The following KIAA1958 variants were observed in gnomAD, a reference collection of about 807,000 sequenced individuals.
KIAA1958 encodes KIAA1958, also known as uncharacterized protein KIAA1958.
A neutral mutation model predicts 47.2 loss-of-function variants in KIAA1958; 14 were observed. The observed-to-expected ratio is 0.30, with a 90% CI of 0.20 to 0.46. The LOEUF (loss-of-function observed/expected upper bound fraction) is 0.46. Ranked by LOEUF, KIAA1958 falls within the 20% of genes least tolerant of loss-of-function variation. KIAA1958 has a pLI of 1.00. For synonymous variants in KIAA1958, 354 were observed against 353.3 expected (o/e 1.00, Z -0.02); for missense variants, 803 against 909.2 (o/e 0.88, Z 1.50).
At chr9:112,488,604 T>C (rs1833910495) in intron 1 of KIAA1958, among the ~76,000 whole-genome samples, 1 of 152,150 alleles carries the variant, frequency 6.6e-6, no homozygotes, top group Admixed American at 6.5e-5. Context: ...AGAAGCAGTT[T>C]TGGGGGCCAT....
At chr9:112,563,085 C>CTCTCTATATATA (rs10655286) in intron 1 of KIAA1958, among the ~76,000 whole-genome samples, 15 of 131,558 alleles carry the variant, frequency 1.1e-4, no homozygotes, top group East Asian at 1.1e-3. Context: ...CTCTCTCTCT[C>CTCTCTATATATA]TATATATATA....
At position 112,663,620 on chromosome 9, in the gene KIAA1958, A is replaced by T. The variant is rs1837314159; in HGVS notation, c.*3551A>T. Reference sequence around the variant, plus strand: ...AAGCAAAAACAAGTGAAGGAAGAACAGAAAAGCCTTATGGGGCTTTATGAG... The same window carrying T: ...AAGCAAAAACAAGTGAAGGAAGAACTGAAAAGCCTTATGGGGCTTTATGAG... On this transcript the variant is annotated 3_prime_UTR_variant, in exon 4 of 4. Transcript: ENST00000337530. The T allele has an allele frequency of 6.6e-6, 1 of 152,188 alleles. No individual in the cohort carries two copies. The highest frequency in any genetic ancestry group is 2.4e-5 in the African/African-American group (1 of 41,446). 9.4% of individuals were successfully genotyped at this position (152,188 alleles called of 1,614,324 possible). A position where few individuals can be genotyped will look rare whatever the true frequency, so the allele number is the denominator to read the frequency against.
intron 2 of KIAA1958, among the ~76,000 whole-genome samples, chr9:112,610,805 T>C (rs1012641173): frequency 6.6e-6 from 1 of 152,138 alleles, no homozygotes; most frequent in African/African-American, 2.4e-5. Flanking sequence ...TAACATAAAA[T>C]AGACAAAATT....
chr9:112,553,130 C>T (rs1208498586), intron 1 of KIAA1958, among the ~76,000 whole-genome samples: 1 of 144,182 alleles, frequency 6.9e-6, no homozygotes, highest in African/African-American at 2.6e-5. Flanking sequence ...TCCTCTCCTC[C>T]CCTCCCCTCC....
intron 1 of KIAA1958, among the ~76,000 whole-genome samples, chr9:112,521,707 G>A (rs925776363): frequency 2.0e-5 from 3 of 151,946 alleles, no homozygotes; most frequent in African/African-American, 7.2e-5. Context: ...CACTGGAAAA[G>A]AATATATATT....
intron 1 of KIAA1958, among the ~76,000 whole-genome samples, chr9:112,536,205 A>G (rs367976196): frequency 6.6e-6 from 1 of 152,212 alleles, no homozygotes; most frequent in African/African-American, 2.4e-5. Context: ...GAAATTGTGG[A>G]TCTTTGGATA....
intron 1 of KIAA1958, among the ~76,000 whole-genome samples, chr9:112,564,066 A>G (rs1835384014): frequency 6.6e-6 from 1 of 152,174 alleles, no homozygotes; most frequent in South Asian, 2.1e-4. Flanking sequence ...ATCAATACTC[A>G]TGAGGAATAT....
chr9:112,619,352 A>C (rs1836460095), intron 2 of KIAA1958: 1 of 152,122 alleles, frequency 6.6e-6, no homozygotes, highest in Non-Finnish European at 1.5e-5. Context: ...TAATTTTTAA[A>C]ATTCTATATT....
At chr9:112,656,391 A>G (rs1837151571) in intron 3 of KIAA1958, among the ~76,000 whole-genome samples, 1 of 151,678 alleles carries the variant, frequency 6.6e-6, no homozygotes, top group Admixed American at 6.6e-5. Context: ...AAAAAAAAAA[A>G]AAAAAGCATT....
rs532970328 is a variant in KIAA1958 at position 112,506,272 on chromosome 9, C to T, written c.-25+19154C>T. ...GAGATCGAGACCATTCTGGCTAACACGGTGAAACCCCGTCTCTACTAAAAA... is the reference window on the plus strand; with the variant it reads ...GAGATCGAGACCATTCTGGCTAACATGGTGAAACCCCGTCTCTACTAAAAA... On this transcript the variant is annotated intron_variant, in intron 1 of 3. Coordinates refer to ENST00000337530, the MANE Select transcript of KIAA1958 (RefSeq NM_133465.4). Among the ~76,000 whole-genome samples the T allele has an allele frequency of 7.9e-5, 12 of 152,134 alleles. No individual in the cohort carries two copies. In the South Asian group the frequency reaches 1.7e-3, roughly 21 times the overall value.
At chr9:112,487,956 T>C (rs1833897312) in intron 1 of KIAA1958, among the ~76,000 whole-genome samples, 2 of 151,294 alleles carry the variant, frequency 1.3e-5, no homozygotes, top group South Asian at 2.1e-4. Context: ...CGTGTGTGTG[T>C]GTGTGTGTGT....
At chr9:112,489,813 T>C (rs1465157447) in intron 1 of KIAA1958, among the ~76,000 whole-genome samples, 1 of 152,240 alleles carries the variant, frequency 6.6e-6, no homozygotes. Flanking sequence ...ATCCATGGAC[T>C]TTTCTAGCAT....
intron 2 of KIAA1958, among the ~76,000 whole-genome samples, chr9:112,626,069 T>TA (rs1392839555): frequency 6.6e-6 from 1 of 152,212 alleles, no homozygotes; most frequent in African/African-American, 2.4e-5. Flanking sequence ...TTTTGGGACA[T>TA]ATCCTCAGTC....
At chr9:112,654,014 G>T (rs1234548232) in intron 3 of KIAA1958, among the ~76,000 whole-genome samples, 1 of 152,166 alleles carries the variant, frequency 6.6e-6, no homozygotes, top group Non-Finnish European at 1.5e-5. Context: ...CACGTGGCTA[G>T]CCCAGATTCA....
intron 1 of KIAA1958, among the ~76,000 whole-genome samples, chr9:112,569,261 G>A (rs922720905): frequency 3.3e-5 from 5 of 152,112 alleles, no homozygotes; most frequent in African/African-American, 1.2e-4. Flanking sequence ...GTGAGTAGGT[G>A]GAAATTCATT....
At position 112,618,527 on chromosome 9, in the gene KIAA1958, C is replaced by T; in HGVS notation, c.1172-27123C>T. On this transcript the variant is annotated intron_variant, in intron 2 of 3. Coordinates refer to ENST00000337530, the MANE Select transcript of KIAA1958 (RefSeq NM_133465.4). This position sits in a 1 kb window ranked among gnomAD's most constrained non-coding sequence, Gnocchi z 7.1. ...AGACTCCCGTGTGTATGCCACCCAG[C>T]ACGCCCCACAGACCTGCCCTGTCCA... 6.4e-7 allele frequency: 1 copy of T among 1,550,718 alleles called. No individual in the cohort carries two copies. Among genetic ancestry groups the T allele is most frequent in the Non-Finnish European group, 8.7e-7 (1 of 1,147,008 alleles).
chr9:112,639,910 C>A (rs761655793), intron 2 of KIAA1958, among the ~76,000 whole-genome samples: 53 of 152,174 alleles, frequency 3.5e-4, no homozygotes, highest in South Asian at 1.2e-3. Context: ...GGAAAGAATT[C>A]TAGAATTTCT....
intron 1 of KIAA1958, among the ~76,000 whole-genome samples, chr9:112,517,258 A>G (rs1002452650): frequency 1.3e-5 from 2 of 152,252 alleles, no homozygotes; most frequent in Non-Finnish European, 2.9e-5. Context: ...GCCAGTTGAT[A>G]TTTGACAAAG....
intron 2 of KIAA1958, among the ~76,000 whole-genome samples, chr9:112,614,873 G>T (rs1836384550): frequency 6.6e-6 from 1 of 152,106 alleles, no homozygotes. Flanking sequence ...GCTTCACTCG[G>T]GACTGTGGCA....
Sources: gnomAD v4.1 joint callset for allele counts (sites outside exome capture counted in the v4.1 genomes callset) on GRCh38, gnomAD v4.1.1 for gene constraint, Gnocchi (gnomAD v3.1) non-coding constraint, MANE v1.5 for transcripts, NCBI Gene and HGNC (gene_info 2026-07-23, HGNC 2026-07-21) for gene names.